Variants in KSR2 observed in about 807,000 individuals in gnomAD.
KSR2 encodes kinase suppressor of ras 2.
Under a neutral mutation model 107.8 loss-of-function variants are expected in KSR2, and 25 were observed. That is an observed-to-expected ratio of 0.23 (90% CI 0.17 to 0.32). The LOEUF is 0.32. Ranked by LOEUF, KSR2 falls within the 10% of genes least tolerant of loss-of-function variation. The pLI is 1.00. For synonymous variants in KSR2, 480 were observed against 507.0 expected, an observed-to-expected ratio of 0.95 and a Z score of 0.71; for missense variants, 887 against 1,268.9, an observed-to-expected ratio of 0.70 and a Z score of 4.57.
At chr12:117,855,750 G>A (rs554333864) in intron 2 of KSR2, among the ~76,000 whole-genome samples, 172 bp from the exon 3 acceptor site, 19 of 152,258 alleles carry the variant, frequency 1.2e-4, no homozygotes, top group African/African-American at 3.6e-4. Flanking sequence ...CCTCTGACCA[G>A]TCGCTCAACC....
At chr12:117,947,433 C>T (rs866521038) in intron 1 of KSR2, among the ~76,000 whole-genome samples, 6 of 151,992 alleles carry the variant, frequency 3.9e-5, no homozygotes, top group South Asian at 2.1e-4. Flanking sequence ...AAAAACTAAA[C>T]CTAACATCAT....
chr12:117,912,304 G>A (rs1895040174), intron 1 of KSR2, among the ~76,000 whole-genome samples: 1 of 152,198 alleles, frequency 6.6e-6, no homozygotes, highest in Non-Finnish European at 1.5e-5. Flanking sequence ...CTCTGACCCT[G>A]CTTAATGCTG....
chr12:117,643,258 T>C (rs967958147), intron 5 of KSR2, among the ~76,000 whole-genome samples: 1 of 152,106 alleles, frequency 6.6e-6, no homozygotes, highest in Non-Finnish European at 1.5e-5. Flanking sequence ...CTGGCCAACA[T>C]GGTGAAACCC....
Position 117,477,986 on chromosome 12 carries a change from G to A in KSR2, c.2451-1391C>T, listed in dbSNP as rs1308434016. 2.6e-5 allele frequency among the ~76,000 whole-genome samples: 4 copies of A among 152,208 alleles called. No individual in the cohort carries two copies. The East Asian group carries it at 7.7e-4, about 29-fold the overall frequency. ...TTAGCAAGACAGAGCTTTCCATGTGGGTCTGAAATCTAAGCAGACCCCCTC... is the reference window on the plus strand; with the variant it reads ...TTAGCAAGACAGAGCTTTCCATGTGAGTCTGAAATCTAAGCAGACCCCCTC... On this transcript the variant is annotated intron_variant, in intron 16 of 19. Coordinates refer to ENST00000339824, the MANE Select transcript of KSR2 (RefSeq NM_173598.6).
At chr12:117,675,301 T>A (rs1885071032) in intron 4 of KSR2, among the ~76,000 whole-genome samples, 1 of 152,090 alleles carries the variant, frequency 6.6e-6, no homozygotes. Flanking sequence ...AGCCCATGTA[T>A]CCCACCTCAA....
chr12:117,964,040 G>T (rs1377818982), intron 1 of KSR2, among the ~76,000 whole-genome samples: 1 of 152,186 alleles, frequency 6.6e-6, no homozygotes, highest in Non-Finnish European at 1.5e-5. Flanking sequence ...CACTTTGGGA[G>T]GCCGAGGCGG....
chr12:117,630,433 G>A (rs1259545433), intron 5 of KSR2, among the ~76,000 whole-genome samples: 1 of 152,146 alleles, frequency 6.6e-6, no homozygotes, highest in Admixed American at 6.6e-5. Context: ...GGGTTGGAAG[G>A]TTGGGGGAGA....
chr12:117,757,834 A>G (rs1888849074), intron 4 of KSR2, among the ~76,000 whole-genome samples: 1 of 152,214 alleles, frequency 6.6e-6, no homozygotes, highest in Non-Finnish European at 1.5e-5. Flanking sequence ...TAACTATTCT[A>G]TGTACTGGGA....
rs138081864 is a variant in KSR2, at chr12:117,707,908, T to A, written c.987-40250A>T. 4.5e-3 allele frequency among the ~76,000 whole-genome samples: 681 copies of A among 152,294 alleles called. 5 individuals are homozygous for A. Among genetic ancestry groups the A allele is most frequent in the African/African-American group, 0.015 (634 of 41,578 alleles). ...TCTGGTAGTATTTCCCCTAGGGTGA[T>A]CCTTACCATACTGGATCCAAGAGAT... On this transcript the variant is annotated intron_variant, in intron 4 of 19. Transcript: ENST00000339824.
intron 1 of KSR2, among the ~76,000 whole-genome samples, chr12:117,880,657 C>G (rs1025930977): frequency 1.3e-5 from 2 of 151,390 alleles, no homozygotes; most frequent in Admixed American, 6.6e-5. Flanking sequence ...CGGAGGAAGC[C>G]GTAAACATCC....
At chr12:117,878,135 G>C (rs1051954469) in intron 1 of KSR2, among the ~76,000 whole-genome samples, 14 of 96,298 alleles carry the variant, frequency 1.5e-4, no homozygotes, top group African/African-American at 1.1e-3. Flanking sequence ...AAGAATTCAG[G>C]CAAACTTAAC....
chr12:117,732,137 A>C (rs1887751201), intron 4 of KSR2, among the ~76,000 whole-genome samples: 1 of 152,094 alleles, frequency 6.6e-6, no homozygotes, highest in Non-Finnish European at 1.5e-5. Flanking sequence ...ACCCTGAGTT[A>C]ATAGGTAAAA....
intron 3 of KSR2, among the ~76,000 whole-genome samples, chr12:117,789,278 C>T (rs373912282): frequency 2.9e-4 from 44 of 152,328 alleles, no homozygotes; most frequent in African/African-American, 1.0e-3. Flanking sequence ...GAAGTAGATA[C>T]AGTCTGCAAA....
intron 5 of KSR2, among the ~76,000 whole-genome samples, chr12:117,598,435 T>C (rs113075009): frequency 9.8e-4 from 150 of 152,350 alleles, no homozygotes; most frequent in African/African-American, 3.2e-3. Flanking sequence ...CGAATTGTGC[T>C]GCTATAAACA....
intron 1 of KSR2, among the ~76,000 whole-genome samples, chr12:117,958,642 G>A (rs1191146007): frequency 6.6e-6 from 1 of 152,170 alleles, no homozygotes; most frequent in Non-Finnish European, 1.5e-5. Context: ...CCAACATGGT[G>A]AAACTCCATC....
intron 1 of KSR2, among the ~76,000 whole-genome samples, chr12:117,954,089 C>CAA (rs147681803): frequency 0.024 from 3,338 of 141,040 alleles, 137 homozygotes; most frequent in African/African-American, 0.081. Context: ...GACCCTGTCT[C>CAA]AAAAAAAAAA....
chr12:117,769,024 T>A (rs1006335364), intron 3 of KSR2, among the ~76,000 whole-genome samples: 2 of 152,106 alleles, frequency 1.3e-5, no homozygotes, highest in Non-Finnish European at 2.9e-5. Context: ...AGAAGGAAAT[T>A]GGGCACAGAT....
chr12:117,861,209 C>T (rs1048557105), intron 1 of KSR2, among the ~76,000 whole-genome samples: 1 of 152,112 alleles, frequency 6.6e-6, no homozygotes, highest in African/African-American at 2.4e-5. Context: ...AACAAAGAAA[C>T]TTATGCAGCT....
Position 117,539,720 on chromosome 12 carries a change from T to C in KSR2, c.1686A>G (p.Pro562=), listed in dbSNP as rs1369295750. The C allele has an allele frequency of 1.3e-6, 2 of 1,597,748 alleles. No homozygotes were observed. The highest frequency in any genetic ancestry group is 2.3e-5 in the East Asian group (1 of 43,272). The change falls in exon 10 of 20, where the codon CCA becomes CCG. Residue 562 remains proline (P), a splice_region_variant and synonymous_variant. Coordinates refer to ENST00000339824, the MANE Select transcript of KSR2 (RefSeq NM_173598.6). ...CTRQQKNFNL[P]ASHYYKYKQQ... ...ATGTCTCCCCAAGCATGGAGGTACCTGGCAGGTTGAAGTTCTTCTGCTGCC... is the reference window on the plus strand; with the variant it reads ...ATGTCTCCCCAAGCATGGAGGTACCCGGCAGGTTGAAGTTCTTCTGCTGCC...
Sources: allele counts gnomAD v4.1 joint callset (sites outside exome capture counted in the v4.1 genomes callset), GRCh38; gene constraint gnomAD v4.1.1; transcripts MANE v1.5; gene names NCBI Gene and HGNC (gene_info 2026-07-23, HGNC 2026-07-21).